CDH16: variants seen among roughly 807,000 people sequenced by gnomAD.
CDH16 encodes cadherin 16.
Under a neutral mutation model 87.6 loss-of-function variants are expected in CDH16, and 79 were observed. That is an observed-to-expected ratio of 0.90 (90% CI 0.75 to 1.09). The LOEUF is 1.09. Ranked by LOEUF, CDH16 falls within the 50% of genes least tolerant of loss-of-function variation. The probability of loss-of-function intolerance (pLI) is 0.00; values close to 1 mark genes in which losing one functional copy is unlikely to be tolerated. For missense variants in CDH16, 1,124 were observed against 1,071.7 expected, an observed-to-expected ratio of 1.05 and a Z score of -0.68; for synonymous variants, 457 against 439.5, an observed-to-expected ratio of 1.04 and a Z score of -0.50.
rs200781356 is a variant in CDH16 at position 66,911,952 on chromosome 16, G to A, written c.1737C>T (p.Ala579=). The part of the protein sequence containing the change: ...YEASVPISAP[A]GSFLLTIQPS... ...GCTGGATGGTCAGCAGGAAAGAGCC[G>A]GCTGGGGCACTGATGGGGACACTGG... The change falls in exon 13 of 18, where the codon GCC becomes GCT. Residue 579 remains alanine (A), a synonymous_variant. Transcript: ENST00000299752. 26 of 1,613,224 alleles carry A rather than the reference G, an allele frequency of 1.6e-5. No individual in the cohort carries two copies. The South Asian group carries it at 2.2e-4, about 14-fold the overall frequency.
intron 1 of CDH16, among the ~76,000 whole-genome samples, chr16:66,918,413 G>C (rs1226170126): frequency 1.3e-5 from 2 of 152,258 alleles, no homozygotes; most frequent in Non-Finnish European, 2.9e-5. Flanking sequence ...ACAAAAGTTT[G>C]AAGCTGGAAA....
chr16:66,909,258 C>T lies in CDH16; in HGVS notation c.2392+9G>A, dbSNP rs376118264. 4.5e-6 allele frequency: 7 copies of T among 1,550,980 alleles called. No individual in the cohort carries two copies. The highest frequency in any genetic ancestry group is 6.2e-6 in the Non-Finnish European group (7 of 1,122,214). The stretch of plus-strand genomic sequence containing the variant: ...CTCGCCCACGCAGGTAATGTCCAAC[C>T]TCCATTACCTATTGCTACCAGGGTG... On this transcript the variant is annotated intron_variant, in intron 17 of 17. Transcript: ENST00000299752. The surrounding 1 kb of genome is among the most constrained non-coding windows in gnomAD (Gnocchi z 4.1).
chr16:66,910,213 C>T, intron 15 of CDH16, 47 bp downstream of exon 15: 3 of 1,559,802 alleles, frequency 1.9e-6, no homozygotes, highest in Non-Finnish European at 2.6e-6. Context: ...AAGTGACACC[C>T]CCTCCCTGCC....
Position 66,912,364 on chromosome 16 carries a change from C to G in CDH16, c.1426G>C (p.Asp476His). The part of the protein sequence containing the change: ...GTLVAMLTAI[D>H]ADLEPAFRLM... Reference sequence around the variant, plus strand: ...CGGAAGGCGGGCTCGAGGTCAGCATCAATGGCTGTTAGCATGGCCACCAGA... The same window carrying G: ...CGGAAGGCGGGCTCGAGGTCAGCATGAATGGCTGTTAGCATGGCCACCAGA... Residue 476 changes from aspartate (D) to histidine (H), a missense_variant, in exon 12 of 18, where the codon GAT becomes CAT. By Grantham distance (81) the Asp-to-His change is moderately conservative. Coordinates refer to ENST00000299752, the MANE Select transcript of CDH16 (RefSeq NM_004062.4). 6.2e-7 allele frequency: 1 copy of G among 1,614,180 alleles called. No homozygotes were observed. Among genetic ancestry groups the G allele is most frequent in the East Asian group, 2.2e-5 (1 of 44,882 alleles).
In CDH16 at chr16:66,911,287, A is replaced by T. The variant is rs751678641; in HGVS notation, c.1819T>A (p.Trp607Arg). The T allele has an allele frequency of 6.2e-7, 1 of 1,613,584 alleles. No homozygotes were observed. Residue 607 changes from tryptophan to arginine, a missense_variant, in exon 14 of 18, where the codon TGG becomes AGG. Transcript: ENST00000299752. ...CCGGAGAATTTCTCAATGCAGAGCC[A>T]GCCCTCTGAGTCATTGACTAGGGAG... ...RFSLVNDSEG[W>R]LCIEKFSGEV...
chr16:66,916,148 A>G lies in CDH16; in HGVS notation c.341T>C (p.Val114Ala), dbSNP rs371486352. 1.9e-6 allele frequency: 3 copies of G among 1,614,104 alleles called. No homozygotes were observed. Among genetic ancestry groups the G allele is most frequent in the African/African-American group, 1.3e-5 (1 of 74,936 alleles). Reference sequence around the variant, plus strand: ...CTGGTCATTCTCATCCTTCACGTGCACAAGCACAGGCTGTGGACCCCACAA... The same window carrying G: ...CTGGTCATTCTCATCCTTCACGTGCGCAAGCACAGGCTGTGGACCCCACAA... ...HVLWGPQPVL[V>A]HVKDENDQVP... is the part of the protein sequence containing the mutation. The change falls in exon 5 of 18, where the codon GTG becomes GCG. Residue 114 changes from valine (V) to alanine (A), a missense_variant. Val to Ala is a moderately conservative substitution (Grantham distance 64). Transcript: ENST00000299752. This position sits in a 1 kb window ranked among gnomAD's most constrained non-coding sequence, Gnocchi z 4.1.
In CDH16 at chr16:66,910,136, A is replaced by T. The variant is rs754696307; in HGVS notation, c.2168-43T>A. 55 of 1,578,882 alleles carry T rather than the reference A, an allele frequency of 3.5e-5. No individual in the cohort carries two copies. In the Admixed American group the frequency reaches 5.6e-4, roughly 16 times the overall value. Reference sequence around the variant, plus strand: ...AAAGACCAGGGTCACCAGCCTGGACAGGCCCTCTGGGGGCTGCTCCCCCTA... The same window carrying T: ...AAAGACCAGGGTCACCAGCCTGGACTGGCCCTCTGGGGGCTGCTCCCCCTA... On this transcript the variant is annotated intron_variant, in intron 15 of 17. Transcript: ENST00000299752.
chr16:66,910,147 G>A, intron 15 of CDH16, 54 bp from the exon 16 acceptor site: 1 of 1,570,946 alleles, frequency 6.4e-7, no homozygotes, highest in Non-Finnish European at 8.7e-7. Context: ...GGCCCTCTGG[G>A]GGCTGCTCCC....
At position 66,916,176 on chromosome 16, in the gene CDH16, C is replaced by T; in HGVS notation, c.313G>A (p.Val105Ile). The T allele has an allele frequency of 6.2e-7, 1 of 1,614,276 alleles. No individual in the cohort carries two copies. The highest frequency in any genetic ancestry group is 8.5e-7 in the Non-Finnish European group (1 of 1,180,052). The stretch of plus-strand genomic sequence containing the variant: ...AGCACAGGCTGTGGACCCCACAAGA[C>T]ATGTCCATCCTGCATCTCCAGGGTG... ...QVTLEMQDGHVLWGPQPVLVH... is the reference protein window; with the variant it reads ...QVTLEMQDGHILWGPQPVLVH... The change falls in exon 5 of 18, where the codon GTC becomes ATC. Residue 105 changes from valine (V) to isoleucine (I), a missense_variant. Physicochemically the swap from Val to Ile is conservative, Grantham distance 29 (BLOSUM62 3). Transcript: ENST00000299752. The surrounding 1 kb of genome is among the most constrained non-coding windows in gnomAD (Gnocchi z 4.1).
chr16:66,914,580 G>A (rs762935705), intron 6 of CDH16, among the ~76,000 whole-genome samples, 168 bp from the exon 7 acceptor site: 5 of 152,232 alleles, frequency 3.3e-5, no homozygotes, highest in Non-Finnish European at 7.3e-5. Flanking sequence ...CCTCCAACAA[G>A]GACATGACAG....
intron 6 of CDH16, 92 bp from the exon 7 acceptor site, chr16:66,914,504 A>G: frequency 1.1e-6 from 1 of 888,786 alleles, no homozygotes; most frequent in Non-Finnish European, 1.8e-6. Flanking sequence ...AAAACCAAGC[A>G]TACAGCAGGT....
chr16:66,915,927 G>A, intron 5 of CDH16, 138 bp downstream of exon 5: 2 of 1,028,904 alleles, frequency 1.9e-6, no homozygotes, highest in South Asian at 3.4e-5. Flanking sequence ...AAAGAAAAAA[G>A]AGAAAAGAAA....
In CDH16 at chr16:66,913,295, T is replaced by C. The variant is rs201320300; in HGVS notation, c.904-14A>G. The C allele has an allele frequency of 3.9e-6, 6 of 1,546,084 alleles. No individual in the cohort carries two copies. The highest frequency in any genetic ancestry group is 5.2e-6 in the Non-Finnish European group (6 of 1,145,644). On this transcript the variant is annotated splice_polypyrimidine_tract_variant and intron_variant, in intron 8 of 17. Coordinates refer to ENST00000299752, the MANE Select transcript of CDH16 (RefSeq NM_004062.4). Reference sequence around the variant, plus strand: ...CTGGAGCAGGTACTGCGGTGGGCAGTAGGGGGCTTCAGGTCAGGACCAAGG... The same window carrying C: ...CTGGAGCAGGTACTGCGGTGGGCAGCAGGGGGCTTCAGGTCAGGACCAAGG...
intron 15 of CDH16, 56 bp from the exon 16 acceptor site, chr16:66,910,149 G>A: frequency 5.1e-6 from 8 of 1,569,280 alleles, no homozygotes; most frequent in Middle Eastern, 1.7e-4. Flanking sequence ...CCCTCTGGGG[G>A]CTGCTCCCCC....
chr16:66,909,407 A>G lies in CDH16; in HGVS notation c.2276-24T>C, dbSNP rs767537611. 6 of 976,246 alleles carry G rather than the reference A, an allele frequency of 6.1e-6. No homozygotes were observed. In the Admixed American group the frequency reaches 9.4e-5, roughly 15 times the overall value. 60.5% of individuals were successfully genotyped at this position (976,246 alleles called of 1,614,324 possible). A position where few individuals can be genotyped will look rare whatever the true frequency, so the allele number is the denominator to read the frequency against. On this transcript the variant is annotated intron_variant, in intron 16 of 17. Coordinates refer to ENST00000299752, the MANE Select transcript of CDH16 (RefSeq NM_004062.4). This position sits in a 1 kb window ranked among gnomAD's most constrained non-coding sequence, Gnocchi z 4.1. ...CACTGAGGGGAGAGGGGAGGAAGGT[A>G]AGGGGAGGGAGGGGAGGGCTCCCCA...
rs1480013057 is a variant in CDH16 at position 66,913,579 on chromosome 16, A to C, written c.815T>G (p.Leu272Arg). 1 of 1,614,096 alleles carries C rather than the reference A, an allele frequency of 6.2e-7. No individual in the cohort carries two copies. The highest frequency in any genetic ancestry group is 1.7e-5 in the Admixed American group (1 of 60,018). The part of the protein sequence containing the change: ...HWSGGDVHYH[L>R]ESHPPGPFEV... ...AAAGGGTCCCGGGGGATGGCTCTCC[A>C]GGTGATAGTGCACATCACCCCCACT... The change falls in exon 8 of 18, where the codon CTG becomes CGG. Residue 272 changes from leucine (L) to arginine (R), a missense_variant. Leu to Arg is a moderately radical substitution (Grantham distance 102). Transcript: ENST00000299752.
intron 6 of CDH16, 90 bp downstream of exon 6, chr16:66,915,130 G>A: frequency 7.7e-7 from 1 of 1,296,298 alleles, no homozygotes; most frequent in Non-Finnish European, 1.1e-6. Context: ...TACCTCTCAA[G>A]CTCCCACCCA....
chr16:66,912,392 C>A lies in CDH16; in HGVS notation c.1398G>T (p.Gly466=). The A allele has an allele frequency of 6.2e-7, 1 of 1,614,052 alleles. No individual in the cohort carries two copies. The highest frequency in any genetic ancestry group is 1.1e-5 in the South Asian group (1 of 91,068). The change falls in exon 12 of 18, where the codon GGG becomes GGT. Residue 466 remains glycine (G), a synonymous_variant. Transcript: ENST00000299752. ...PISLPEDVEP[G]TLVAMLTAID... ...TGGCTGTTAGCATGGCCACCAGAGT[C>A]CCGGGCTCCACATCCTCAGGGAGGC...
At chr16:66,911,033 A>G in intron 14 of CDH16, 149 bp downstream of exon 14, 1 of 676,694 alleles carries the variant, frequency 1.5e-6, no homozygotes, top group Non-Finnish European at 2.4e-6. Flanking sequence ...ATTCTCAGAG[A>G]GGAACATTGA....
Sources: gnomAD v4.1 joint callset for allele counts (sites outside exome capture counted in the v4.1 genomes callset) on GRCh38, gnomAD v4.1.1 for gene constraint, Gnocchi (gnomAD v3.1) non-coding constraint, MANE v1.5 for transcripts, NCBI Gene and HGNC (gene_info 2026-07-23, HGNC 2026-07-21) for gene names.